Variants in PCDHA3 observed in about 807,000 individuals in gnomAD.
The protein encoded by PCDHA3 is protocadherin alpha 3.
Under a neutral mutation model 62.2 loss-of-function variants are expected in PCDHA3, and 41 were observed. The observed-to-expected ratio is 0.66, with a 90% CI of 0.51 to 0.86. The LOEUF is 0.86. PCDHA3 is among the 40% of genes least tolerant of loss of function. The pLI is 0.00. For synonymous variants in PCDHA3, 640 were observed against 555.4 expected (o/e 1.15, Z -2.14); for missense variants, 1,304 against 1,241.2 (o/e 1.05, Z -0.76).
At chr5:140,914,290 T>A (rs1412561039) in intron 1 of PCDHA3, among the ~76,000 whole-genome samples, 1 of 152,200 alleles carries the variant, frequency 6.6e-6, no homozygotes, top group Non-Finnish European at 1.5e-5. Context: ...AATTGTTATA[T>A]CCTCTTGCTG....
rs554073823 is a variant in PCDHA3 at position 140,945,407 on chromosome 5, T to C, written c.2395-33542T>C. Among the ~76,000 whole-genome samples, 498 of 152,246 alleles carry C rather than the reference T, an allele frequency of 3.3e-3. 2 individuals carry two copies. Among genetic ancestry groups the C allele is most frequent in the African/African-American group, 0.011 (476 of 41,568 alleles). ...CAATATACAAATTCAATACAATTCG[T>C]ATCAAAATTTCAATGAAGTTTTTAC... On this transcript the variant is annotated intron_variant, in intron 1 of 3. Coordinates refer to ENST00000522353, the MANE Select transcript of PCDHA3 (RefSeq NM_018906.3).
At chr5:140,807,745 C>A in intron 1 of PCDHA3, 1 of 1,614,132 alleles carries the variant, frequency 6.2e-7, no homozygotes, top group Non-Finnish European at 8.5e-7. Flanking sequence ...CACCTGATGA[C>A]GAGCTGGTAA....
At chr5:140,982,665 A>T in intron 3 of PCDHA3, 102 bp downstream of exon 3, 1 of 1,465,322 alleles carries the variant, frequency 6.8e-7, no homozygotes, top group Non-Finnish European at 9.0e-7. Context: ...TTTCTTTTAT[A>T]TTTTTGTTAT....
intron 1 of PCDHA3, among the ~76,000 whole-genome samples, chr5:140,900,040 G>A (rs1407235485): frequency 4.6e-5 from 7 of 152,046 alleles, no homozygotes; most frequent in Non-Finnish European, 8.8e-5. Flanking sequence ...GAATTCCTGG[G>A]CTCAAGTGAT....
At position 141,011,472 on chromosome 5, in the gene PCDHA3, C is replaced by T. The variant is rs1347341869; in HGVS notation, c.*1535C>T. 40 of 153,652 alleles carry T rather than the reference C, an allele frequency of 2.6e-4. No individual in the cohort carries two copies. The highest frequency in any genetic ancestry group is 9.4e-4 in the African/African-American group (39 of 41,410). 9.5% of individuals were successfully genotyped at this position (153,652 alleles called of 1,614,324 possible). On this transcript the variant is annotated 3_prime_UTR_variant, in exon 4 of 4. Transcript: ENST00000522353. Reference sequence around the variant, plus strand: ...TAAGCTTTATTGTTGAATGTAATTCCATTATATTTCCTTTTGTACACCTGT... The same window carrying T: ...TAAGCTTTATTGTTGAATGTAATTCTATTATATTTCCTTTTGTACACCTGT...
chr5:140,884,598 C>T (rs782317237), intron 1 of PCDHA3: 4 of 1,614,108 alleles, frequency 2.5e-6, no homozygotes. Flanking sequence ...CCCAGCCTTC[C>T]TCCTTGTCTG....
At chr5:140,862,906 C>A in intron 1 of PCDHA3, 1 of 554,064 alleles carries the variant, frequency 1.8e-6, no homozygotes, top group Non-Finnish European at 3.5e-6. Flanking sequence ...GTCTGCGCTG[C>A]TGGCGCCTTG....
At chr5:140,828,051 C>G in intron 1 of PCDHA3, 3 of 1,545,276 alleles carry the variant, frequency 1.9e-6, no homozygotes, top group Non-Finnish European at 2.6e-6. Flanking sequence ...TATCTTTATG[C>G]GGAAGATCTT....
rs1390487927 is a variant in PCDHA3, at chr5:140,803,498, C to G, written c.2301C>G (p.Thr767=). ...RVCSGEGLPK[T]DLMAFSPSLP... ...GCTCTGGAGAGGGGTTGCCCAAGAC[C>G]GACCTCATGGCTTTTAGCCCTAGCC... Residue 767 remains threonine, a synonymous_variant, in exon 1 of 4, where the codon ACC becomes ACG. Coordinates refer to ENST00000522353, the MANE Select transcript of PCDHA3 (RefSeq NM_018906.3). The G allele has an allele frequency of 3.7e-6, 6 of 1,614,076 alleles. No individual in the cohort carries two copies. The highest frequency in any genetic ancestry group is 3.3e-5 in the South Asian group (3 of 91,088).
At chr5:140,875,288 A>G in intron 1 of PCDHA3, 2 of 1,392,506 alleles carry the variant, frequency 1.4e-6, no homozygotes, top group East Asian at 2.5e-5. Flanking sequence ...TGAAACAGGA[A>G]AATTTTTTTC....
chr5:140,976,689 T>TTTGCA (rs1280133734), intron 1 of PCDHA3, among the ~76,000 whole-genome samples: 2 of 152,232 alleles, frequency 1.3e-5, no homozygotes, highest in East Asian at 3.8e-4. Context: ...GCAATTTAAG[T>TTTGCA]ACAATAATGT....
chr5:140,818,467 C>G (rs1261385531), intron 1 of PCDHA3, among the ~76,000 whole-genome samples: 1 of 152,112 alleles, frequency 6.6e-6, no homozygotes, highest in Non-Finnish European at 1.5e-5. Context: ...AACTTTCCTC[C>G]CACAAAGTTT....
chr5:140,901,712 GAT>G lies in PCDHA3; in HGVS notation c.2395-77236_2395-77235del, dbSNP rs1187367855. Among the ~76,000 whole-genome samples, 6 of 152,218 alleles carry G rather than the reference GAT, an allele frequency of 3.9e-5. No homozygotes were observed. In the East Asian group the frequency reaches 9.6e-4, roughly 24 times the overall value. ...TTTTGTAGTTCTATATACATTTTCA[GAT>G]TGTCTTTTCTATTTCTGTGAAGAAT... On this transcript the variant is annotated intron_variant, in intron 1 of 3. Coordinates refer to ENST00000522353, the MANE Select transcript of PCDHA3 (RefSeq NM_018906.3).
intron 3 of PCDHA3, among the ~76,000 whole-genome samples, chr5:141,008,162 G>A (rs1280112352): frequency 6.6e-6 from 1 of 152,128 alleles, no homozygotes; most frequent in East Asian, 1.9e-4. Flanking sequence ...ATAAGATGAG[G>A]ACTAAAATGT....
chr5:140,932,187 T>C (rs2153611225), intron 1 of PCDHA3, among the ~76,000 whole-genome samples: 1 of 152,028 alleles, frequency 6.6e-6, no homozygotes, highest in Admixed American at 6.5e-5. Context: ...CTCATGTCCA[T>C]TTTTTTCTGT....
chr5:140,921,694 A>G (rs1251407999), intron 1 of PCDHA3, among the ~76,000 whole-genome samples: 1 of 152,200 alleles, frequency 6.6e-6, no homozygotes, highest in Non-Finnish European at 1.5e-5. Context: ...TGGCCACCTC[A>G]ATTTTAAACA....
chr5:140,899,102 G>A (rs1156372420), intron 1 of PCDHA3, among the ~76,000 whole-genome samples: 1 of 152,066 alleles, frequency 6.6e-6, no homozygotes, highest in Non-Finnish European at 1.5e-5. Flanking sequence ...TGAGATAATG[G>A]GGTTTTCTAG....
In PCDHA3 at chr5:140,852,588, T is replaced by TTA. The variant is rs1554145946; in HGVS notation, c.2394+48998_2394+48999insAT. On this transcript the variant is annotated intron_variant, in intron 1 of 3. Coordinates refer to ENST00000522353, the MANE Select transcript of PCDHA3 (RefSeq NM_018906.3). ...ACTGTGCCAAGGCTTTTTTATTTTTTTTTTTTGTCATTTTCTTTCAAAACT... is the reference window on the plus strand; with the variant it reads ...ACTGTGCCAAGGCTTTTTTATTTTTTTATTTTTTGTCATTTTCTTTCAAAACT... 1.7e-5 allele frequency: 15 copies of TTA among 881,508 alleles called. 1 individual carries two copies. The highest frequency in any genetic ancestry group is 1.9e-5 in the Non-Finnish European group (14 of 723,686). The allele number at this position is 881,508 out of a possible 1,614,324, so 54.6% of individuals were successfully genotyped here. A position where few individuals can be genotyped will look rare whatever the true frequency, so the allele number is the denominator to read the frequency against.
Position 140,862,369 on chromosome 5 carries a change from C to A in PCDHA3, c.2394+58778C>A, listed in dbSNP as rs1265761765. On this transcript the variant is annotated intron_variant, in intron 1 of 3. Coordinates refer to ENST00000522353, the MANE Select transcript of PCDHA3 (RefSeq NM_018906.3). ...GTGCCAAGGGACAGACGACCCGCAC[C>A]CTGACTCCTCACGTCTCTTCAAGCT... The A allele has an allele frequency of 1.8e-5, 6 of 341,324 alleles. No individual in the cohort carries two copies. In the Admixed American group the frequency reaches 2.3e-4, roughly 13 times the overall value. The allele number at this position is 341,324 out of a possible 1,614,324, so 21.1% of individuals were successfully genotyped here. A position where few individuals can be genotyped will look rare whatever the true frequency, so the allele number is the denominator to read the frequency against.
Sources: gnomAD v4.1 joint callset for allele counts (sites outside exome capture counted in the v4.1 genomes callset) on GRCh38, gnomAD v4.1.1 for gene constraint, MANE v1.5 for transcripts, NCBI Gene and HGNC (gene_info 2026-07-23, HGNC 2026-07-21) for gene names.